PDCD10: variants seen among roughly 807,000 people sequenced by gnomAD.
PDCD10 encodes the protein programmed cell death protein 10.
PDCD10 carries 4 observed loss-of-function variants against 29.2 expected under a neutral mutation model. The ratio of observed to expected loss-of-function variants is 0.14; its 90% CI spans 0.07 to 0.31. PDCD10 has a LOEUF of 0.31. PDCD10 is among the 10% of genes least tolerant of loss of function. The pLI, the probability that PDCD10 is intolerant of heterozygous loss-of-function variation, is 1.00. For missense variants in PDCD10, 183 were observed against 257.9 expected (o/e 0.71, Z 1.99); for synonymous variants, 70 against 82.2 (o/e 0.85, Z 0.80).
intron 8 of PDCD10, among the ~76,000 whole-genome samples, chr3:167,685,123 G>C (rs1577314512): frequency 6.6e-6 from 1 of 152,012 alleles, no homozygotes; most frequent in East Asian, 1.9e-4. Flanking sequence ...AAAAGAGAAG[G>C]CCCAGGGACT....
intron 3 of PDCD10, among the ~76,000 whole-genome samples, chr3:167,719,204 T>C (rs573410189): frequency 3.3e-5 from 5 of 152,210 alleles, no homozygotes; most frequent in African/African-American, 1.2e-4. Flanking sequence ...ATATGGACTA[T>C]AACAGTAACA....
At chr3:167,688,634 AAT>A (rs1719900731) in intron 6 of PDCD10, among the ~76,000 whole-genome samples, 1 of 152,098 alleles carries the variant, frequency 6.6e-6, no homozygotes, top group African/African-American at 2.4e-5. Flanking sequence ...TGCATTCTCA[AAT>A]AGTCTCACAT....
intron 4 of PDCD10, among the ~76,000 whole-genome samples, chr3:167,699,290 C>T (rs1435015401): frequency 2.6e-5 from 4 of 152,176 alleles, no homozygotes; most frequent in Non-Finnish European, 5.9e-5. Context: ...GAAGGACAAT[C>T]CAATATGCTA....
chr3:167,705,981 C>T (rs1721929885), intron 3 of PDCD10, among the ~76,000 whole-genome samples: 1 of 152,092 alleles, frequency 6.6e-6, no homozygotes, highest in Admixed American at 6.6e-5. Flanking sequence ...TTGATAGGAA[C>T]CCATTTCCTT....
At chr3:167,696,750 G>T (rs933855584) in intron 5 of PDCD10, among the ~76,000 whole-genome samples, 6 of 152,000 alleles carry the variant, frequency 3.9e-5, no homozygotes, top group African/African-American at 1.4e-4. Flanking sequence ...ACATAAAGGG[G>T]GGAAAAATTG....
At position 167,684,269 on chromosome 3, in the gene PDCD10, A is replaced by G. The variant is rs371757983; in HGVS notation, c.*39T>C. On this transcript the variant is annotated 3_prime_UTR_variant, in exon 9 of 9. Coordinates refer to ENST00000392750, the MANE Select transcript of PDCD10 (RefSeq NM_007217.4). ...AATTTACAGATAAAGGCAGTTCAATACTGCCACTGAGAAGTACATCTCTTA... is the reference window on the plus strand; with the variant it reads ...AATTTACAGATAAAGGCAGTTCAATGCTGCCACTGAGAAGTACATCTCTTA... 2.6e-5 allele frequency: 29 copies of G among 1,101,336 alleles called. No individual in the cohort carries two copies. The South Asian group carries it at 3.6e-4, about 14-fold the overall frequency. 68.2% of individuals were successfully genotyped at this position (1,101,336 alleles called of 1,614,324 possible).
rs180800414 is a variant in PDCD10 at position 167,696,593 on chromosome 3, T to A, written c.268+416A>T. Among the ~76,000 whole-genome samples the A allele has an allele frequency of 1.6e-4, 25 of 152,260 alleles. No homozygotes were observed. In the East Asian group the frequency reaches 4.6e-3, roughly 28 times the overall value. ...AAAGTAAAAAGGATGGTTATATTAT[T>A]CTCTTAAATCTGTGCTTGAAACACA... On this transcript the variant is annotated intron_variant, in intron 5 of 8. Transcript: ENST00000392750.
intron 2 of PDCD10, among the ~76,000 whole-genome samples, chr3:167,723,786 A>T (rs1240663512): frequency 6.6e-6 from 1 of 152,216 alleles, no homozygotes; most frequent in East Asian, 1.9e-4. Flanking sequence ...CAAAAGGCAT[A>T]CTTTTAAACA....
Position 167,720,095 on chromosome 3 carries a change from G to T in PDCD10, c.63C>A (p.Pro21=). 3 of 1,611,594 alleles carry T rather than the reference G, an allele frequency of 1.9e-6. No individual in the cohort carries two copies. The highest frequency in any genetic ancestry group is 2.5e-6 in the Non-Finnish European group (3 of 1,177,990). The change falls in exon 3 of 9, where the codon CCC becomes CCA. Residue 21 remains proline (P), a synonymous_variant. Coordinates refer to ENST00000392750, the MANE Select transcript of PDCD10 (RefSeq NM_007217.4). Reference sequence around the variant, plus strand: ...ACACAGGATACATGACTGCATAGAGGGGCATAGAAACCATGGATGTGGTCT... The same window carrying T: ...ACACAGGATACATGACTGCATAGAGTGGCATAGAAACCATGGATGTGGTCT... ...EAETTSMVSM[P]LYAVMYPVFN...
At chr3:167,723,900 T>C (rs762471524) in intron 2 of PDCD10, among the ~76,000 whole-genome samples, 1 of 152,226 alleles carries the variant, frequency 6.6e-6, no homozygotes. Context: ...ATATTCAAAA[T>C]AGCACTGCTA....
At chr3:167,701,735 A>G (rs1721461299) in intron 4 of PDCD10, among the ~76,000 whole-genome samples, 1 of 152,216 alleles carries the variant, frequency 6.6e-6, no homozygotes, top group Non-Finnish European at 1.5e-5. Context: ...ATACCATGAA[A>G]GTCTGGAAGA....
intron 4 of PDCD10, among the ~76,000 whole-genome samples, chr3:167,701,396 C>A: frequency 6.6e-6 from 1 of 152,072 alleles, no homozygotes; most frequent in South Asian, 2.1e-4. Flanking sequence ...CAAGGTCTTC[C>A]TATGTTGCCT....
intron 2 of PDCD10, among the ~76,000 whole-genome samples, chr3:167,728,431 A>G (rs1213890055): frequency 6.6e-6 from 1 of 152,200 alleles, no homozygotes; most frequent in East Asian, 1.9e-4. Context: ...GGGTTTTGTC[A>G]TTCCATAACT....
intron 2 of PDCD10, among the ~76,000 whole-genome samples, chr3:167,724,905 C>A (rs553330128): frequency 1.3e-5 from 2 of 152,102 alleles, no homozygotes; most frequent in African/African-American, 4.8e-5. Flanking sequence ...AGTTGGTTAA[C>A]CCAGGATTTC....
At chr3:167,699,329 C>T (rs1363138401) in intron 4 of PDCD10, among the ~76,000 whole-genome samples, 1 of 152,146 alleles carries the variant, frequency 6.6e-6, no homozygotes, top group Non-Finnish European at 1.5e-5. Context: ...GCTAGGAGTC[C>T]ATGCAGTGTC....
chr3:167,713,127 C>G (rs1479978188), intron 3 of PDCD10, among the ~76,000 whole-genome samples: 2 of 151,890 alleles, frequency 1.3e-5, no homozygotes, highest in Non-Finnish European at 2.9e-5. Context: ...TTCCATAGAA[C>G]AGCTGTAGAA....
intron 6 of PDCD10, among the ~76,000 whole-genome samples, chr3:167,690,528 A>C (rs1720112588): frequency 6.6e-6 from 1 of 152,222 alleles, no homozygotes; most frequent in South Asian, 2.1e-4. Flanking sequence ...TTAAATCACG[A>C]GTCTCCACTA....
At chr3:167,686,989 C>A (rs1173332084) in intron 8 of PDCD10, among the ~76,000 whole-genome samples, 3 of 152,068 alleles carry the variant, frequency 2.0e-5, no homozygotes, top group Non-Finnish European at 4.4e-5. Context: ...GGCAACAGGC[C>A]CACCAAATCT....
chr3:167,713,983 C>T (rs970875056), intron 3 of PDCD10, among the ~76,000 whole-genome samples: 5 of 151,896 alleles, frequency 3.3e-5, no homozygotes, highest in African/African-American at 1.2e-4. Flanking sequence ...TTTGAAGAAC[C>T]AATACCAACC....
Sources: gnomAD v4.1 joint callset for allele counts (sites outside exome capture counted in the v4.1 genomes callset) on GRCh38, gnomAD v4.1.1 for gene constraint, MANE v1.5 for transcripts, NCBI Gene and HGNC (gene_info 2026-07-23, HGNC 2026-07-21) for gene names.